Variants in RABGAP1L observed in about 807,000 individuals in gnomAD.
RABGAP1L encodes the protein RAB GTPase activating protein 1 like.
In RABGAP1L, 63 loss-of-function variants were observed where a neutral mutation model predicts 137.7. That is an observed-to-expected ratio of 0.46 (90% confidence interval 0.37 to 0.56). The LOEUF (loss-of-function observed/expected upper bound fraction) is 0.56, where lower values mean the gene tolerates loss of function less well. Ranked by LOEUF, RABGAP1L falls within the 20% of genes least tolerant of loss-of-function variation. The probability of loss-of-function intolerance (pLI) is 0.00; values close to 1 mark genes in which losing one functional copy is unlikely to be tolerated. For synonymous variants in RABGAP1L, 431 were observed against 433.7 expected (o/e 0.99, Z 0.08); for missense variants, 1,095 against 1,244.0 (o/e 0.88, Z 1.80).
chr1:174,596,621 T>C (rs558203237), intron 13 of RABGAP1L, among the ~76,000 whole-genome samples: 1 of 152,222 alleles, frequency 6.6e-6, no homozygotes, highest in Non-Finnish European at 1.5e-5. Flanking sequence ...CTTGATTAAG[T>C]CTTTAGGTTT....
rs983132256 is a variant in RABGAP1L at position 174,816,793 on chromosome 1, G to A, written c.2340+4833G>A. ...TGTCACCAGGCTGGAATGCAATGGCGCGATCCCTGCCTCCTGCAACCTTCG... is the reference window on the plus strand; with the variant it reads ...TGTCACCAGGCTGGAATGCAATGGCACGATCCCTGCCTCCTGCAACCTTCG... On this transcript the variant is annotated intron_variant, in intron 19 of 25. Transcript: ENST00000681986. Among the ~76,000 whole-genome samples the A allele has an allele frequency of 4.7e-5, 7 of 148,552 alleles. No homozygotes were observed. In the East Asian group the frequency reaches 6.1e-4, roughly 13 times the overall value.
At chr1:174,822,675 C>T (rs1793291) in intron 19 of RABGAP1L, among the ~76,000 whole-genome samples, 75,648 of 152,050 alleles carry the variant, frequency 0.5, 21,348 homozygotes, top group East Asian at 0.71. Context: ...GTTCACGCTC[C>T]TATGAAAATC....
chr1:174,610,945 C>T (rs1359790248), intron 13 of RABGAP1L, among the ~76,000 whole-genome samples: 1 of 151,686 alleles, frequency 6.6e-6, no homozygotes, highest in Admixed American at 6.6e-5. Context: ...ATTGTAGATT[C>T]TGGATATTAG....
chr1:174,541,559 G>A (rs1232531451), intron 13 of RABGAP1L, among the ~76,000 whole-genome samples: 1 of 152,132 alleles, frequency 6.6e-6, no homozygotes, highest in African/African-American at 2.4e-5. Flanking sequence ...GGCATATCAC[G>A]AGGTCAGGAG....
intron 1 of RABGAP1L, among the ~76,000 whole-genome samples, chr1:174,203,305 G>C (rs1050997429): frequency 2.0e-5 from 3 of 151,996 alleles, no homozygotes; most frequent in Non-Finnish European, 4.4e-5. Flanking sequence ...TAAGGAAATG[G>C]TCCATCTTCA....
chr1:174,567,282 C>G (rs112287381), intron 13 of RABGAP1L, among the ~76,000 whole-genome samples: 1,809 of 152,230 alleles, frequency 0.012, 25 homozygotes, highest in Non-Finnish European at 0.016. Context: ...TATTTTCCTT[C>G]TATATCTGCC....
intron 13 of RABGAP1L, among the ~76,000 whole-genome samples, chr1:174,577,725 AAG>A (rs1362407767): frequency 6.6e-6 from 1 of 152,234 alleles, no homozygotes; most frequent in Admixed American, 6.5e-5. Context: ...AAGACTCTGA[AAG>A]AGATTTATAA....
intron 13 of RABGAP1L, among the ~76,000 whole-genome samples, chr1:174,613,484 G>C (rs1394470306): frequency 6.6e-6 from 1 of 152,084 alleles, no homozygotes; most frequent in Admixed American, 6.5e-5. Flanking sequence ...CAACTATGTG[G>C]TCAATTTTGG....
chr1:174,895,389 G>A (rs1379282523), intron 19 of RABGAP1L, among the ~76,000 whole-genome samples: 1 of 150,452 alleles, frequency 6.6e-6, no homozygotes, highest in Non-Finnish European at 1.5e-5. Context: ...TCCACCCAGG[G>A]TGAAATGGCA....
At chr1:174,724,962 A>ATC (rs1681867615) in intron 17 of RABGAP1L, among the ~76,000 whole-genome samples, 1 of 152,186 alleles carries the variant, frequency 6.6e-6, no homozygotes, top group Admixed American at 6.5e-5. Flanking sequence ...TCTAAAAGAA[A>ATC]GCCAGACTTT....
chr1:174,514,295 A>G (rs1662616543), intron 13 of RABGAP1L, among the ~76,000 whole-genome samples: 1 of 147,832 alleles, frequency 6.8e-6, no homozygotes, highest in African/African-American at 2.5e-5. Flanking sequence ...TCGTGTTGGT[A>G]GGATTCGTTT....
chr1:174,580,014 G>A (rs924393274), intron 13 of RABGAP1L, among the ~76,000 whole-genome samples: 8 of 152,064 alleles, frequency 5.3e-5, no homozygotes, highest in African/African-American at 1.9e-4. Flanking sequence ...GCCTTGCCTC[G>A]GCCTCCCAAA....
intron 19 of RABGAP1L, among the ~76,000 whole-genome samples, chr1:174,913,579 A>G (rs1262440519): frequency 6.6e-6 from 1 of 152,218 alleles, no homozygotes; most frequent in Non-Finnish European, 1.5e-5. Context: ...TAACTTCTAT[A>G]GTAGAGAAAA....
intron 1 of RABGAP1L, among the ~76,000 whole-genome samples, chr1:174,177,427 G>C (rs1665978874): frequency 6.6e-6 from 1 of 152,144 alleles, no homozygotes; most frequent in Non-Finnish European, 1.5e-5. Flanking sequence ...CCGTTCTGTA[G>C]GTTGCCTATT....
At chr1:174,532,498 C>T (rs561744777) in intron 13 of RABGAP1L, among the ~76,000 whole-genome samples, 79 of 152,072 alleles carry the variant, frequency 5.2e-4, no homozygotes, top group Non-Finnish European at 9.7e-4. Flanking sequence ...TGAGCCACTG[C>T]GCTCAGCCAG....
chr1:174,972,045 C>T (rs984078075), intron 21 of RABGAP1L, among the ~76,000 whole-genome samples: 8 of 152,186 alleles, frequency 5.3e-5, no homozygotes, highest in Non-Finnish European at 1.0e-4. Flanking sequence ...CTTGAGAACT[C>T]GCCCTCTCTC....
intron 18 of RABGAP1L, among the ~76,000 whole-genome samples, chr1:174,784,906 C>A (rs1342297374): frequency 6.6e-6 from 1 of 152,096 alleles, no homozygotes; most frequent in Non-Finnish European, 1.5e-5. Context: ...TAAGCAACTC[C>A]TCCTTAAATA....
rs553796481 is a variant in RABGAP1L, at chr1:174,531,753, G to A, written c.1711-105622G>A. On this transcript the variant is annotated intron_variant, in intron 13 of 25. Transcript: ENST00000681986. ...GGTGAGATACTGTCTCGGGGGTGGG[G>A]GGGGGGAAGATATACCAAAACATAT... is the stretch of plus-strand genomic sequence containing the variant. 9.4e-5 allele frequency among the ~76,000 whole-genome samples: 12 copies of A among 127,726 alleles called. No homozygotes were observed. The South Asian group carries it at 9.6e-4, about 10-fold the overall frequency. The allele number at this position is 127,726 out of a possible 152,430, so 83.8% of individuals were successfully genotyped here.
intron 13 of RABGAP1L, among the ~76,000 whole-genome samples, chr1:174,477,011 G>T (rs951991125): frequency 6.6e-6 from 1 of 152,144 alleles, no homozygotes; most frequent in Non-Finnish European, 1.5e-5. Context: ...GAAACATAGG[G>T]TTTGTGGCAG....
Sources: allele counts gnomAD v4.1 joint callset (sites outside exome capture counted in the v4.1 genomes callset), GRCh38; gene constraint gnomAD v4.1.1; transcripts MANE v1.5; gene names NCBI Gene and HGNC (gene_info 2026-07-23, HGNC 2026-07-21).